HSPA12A: variants seen among roughly 807,000 people sequenced by gnomAD.
HSPA12A encodes the protein heat shock 70 kDa protein 12A.
A neutral mutation model predicts 69.2 loss-of-function variants in HSPA12A; 28 were observed. The ratio of observed to expected loss-of-function variants is 0.40; its 90% CI spans 0.30 to 0.55. The LOEUF (loss-of-function observed/expected upper bound fraction) is 0.55. HSPA12A is among the 20% of genes least tolerant of loss of function. The pLI is 0.38. For missense variants in HSPA12A, 686 were observed against 900.7 expected, an observed-to-expected ratio of 0.76 and a Z score of 3.05; for synonymous variants, 345 against 370.5, an observed-to-expected ratio of 0.93 and a Z score of 0.79.
chr10:116,797,084 T>C (rs1178288050), intron 2 of HSPA12A, among the ~76,000 whole-genome samples: 2 of 152,198 alleles, frequency 1.3e-5, no homozygotes, highest in Non-Finnish European at 1.5e-5. Context: ...CCGCAGGAGC[T>C]GGCTGAGAGC....
intron 2 of HSPA12A, among the ~76,000 whole-genome samples, chr10:116,748,626 G>T (rs1554888017): frequency 6.6e-6 from 1 of 152,182 alleles, no homozygotes; most frequent in African/African-American, 2.4e-5. Context: ...CACATGGCTG[G>T]GGAGGCTTCA....
chr10:116,796,014 G>C (rs575115290), intron 2 of HSPA12A, among the ~76,000 whole-genome samples: 2 of 151,118 alleles, frequency 1.3e-5, no homozygotes, highest in African/African-American at 2.4e-5. Context: ...CGGGCGTGGT[G>C]GTGGGTGCCT....
intron 2 of HSPA12A, among the ~76,000 whole-genome samples, chr10:116,798,741 C>T (rs1406492444): frequency 6.6e-6 from 1 of 152,186 alleles, no homozygotes; most frequent in Non-Finnish European, 1.5e-5. Flanking sequence ...AATCAATGAT[C>T]TGGTTCAACT....
chr10:116,754,278 C>T (rs138895151), intron 2 of HSPA12A, among the ~76,000 whole-genome samples: 23 of 152,190 alleles, frequency 1.5e-4, no homozygotes, highest in East Asian at 3.9e-4. Flanking sequence ...CAGCTCACTG[C>T]GAGGATGGAA....
intron 2 of HSPA12A, among the ~76,000 whole-genome samples, chr10:116,805,809 ATCAAG>A (rs1434105167): frequency 1.3e-5 from 2 of 152,234 alleles, no homozygotes; most frequent in East Asian, 1.9e-4. Context: ...CTGTAATCAA[ATCAAG>A]TCTTTTCAAT....
chr10:116,840,997 C>T (rs552898694), intron 1 of HSPA12A, among the ~76,000 whole-genome samples: 1 of 152,318 alleles, frequency 6.6e-6, no homozygotes, highest in East Asian at 1.9e-4. Flanking sequence ...GCCTGAGTTA[C>T]TCACGCTGCT....
chr10:116,755,930 C>T (rs572742008), intron 2 of HSPA12A, among the ~76,000 whole-genome samples: 11 of 151,772 alleles, frequency 7.2e-5, no homozygotes, highest in Admixed American at 6.6e-4. Context: ...AGGTTGAGGC[C>T]GCAGTGAGCT....
At chr10:116,782,175 A>T (rs1844477997) in intron 2 of HSPA12A, among the ~76,000 whole-genome samples, 1 of 152,242 alleles carries the variant, frequency 6.6e-6, no homozygotes. Context: ...TGAGACCATA[A>T]GATGAGATTT....
chr10:116,841,663 TA>T (rs1440532721), intron 1 of HSPA12A, among the ~76,000 whole-genome samples: 13 of 152,190 alleles, frequency 8.5e-5, no homozygotes, highest in Non-Finnish European at 1.5e-5. Context: ...GAGATGCAGT[TA>T]AATCAATACA....
intron 2 of HSPA12A, among the ~76,000 whole-genome samples, chr10:116,780,833 C>T (rs368781306): frequency 6.6e-6 from 1 of 152,114 alleles, no homozygotes; most frequent in African/African-American, 2.4e-5. Flanking sequence ...CTATGGGTGA[C>T]GAGTCACAGG....
At chr10:116,684,624 T>C (rs2132917895) in intron 6 of HSPA12A, among the ~76,000 whole-genome samples, 1 of 152,244 alleles carries the variant, frequency 6.6e-6, no homozygotes, top group Admixed American at 6.5e-5. Context: ...GAATCCCATA[T>C]AGTCCCTCAT....
chr10:116,708,271 C>T (rs1850322179), intron 1 of HSPA12A: 1 of 152,064 alleles, frequency 6.6e-6, no homozygotes, highest in African/African-American at 2.4e-5. Flanking sequence ...CGACCCAGCA[C>T]CACCCTCGGT....
intron 2 of HSPA12A, among the ~76,000 whole-genome samples, chr10:116,788,493 A>C (rs912361106): frequency 6.6e-6 from 1 of 152,234 alleles, no homozygotes; most frequent in African/African-American, 2.4e-5. Context: ...TTCTAAAAAA[A>C]CAATAATGAA....
At chr10:116,768,091 T>G (rs545817776) in intron 2 of HSPA12A, among the ~76,000 whole-genome samples, 1 of 152,180 alleles carries the variant, frequency 6.6e-6, no homozygotes, top group Non-Finnish European at 1.5e-5. Context: ...AGCCAAAAAG[T>G]AGAAACAACC....
intron 2 of HSPA12A, among the ~76,000 whole-genome samples, chr10:116,812,436 G>A (rs1048479002): frequency 1.6e-4 from 25 of 151,960 alleles, no homozygotes; most frequent in Non-Finnish European, 3.1e-4. Context: ...CTAGGCGATC[G>A]AGTGAGACTC....
chr10:116,846,123 T>G (rs1845876044), intron 1 of HSPA12A, among the ~76,000 whole-genome samples: 1 of 152,202 alleles, frequency 6.6e-6, no homozygotes, highest in Non-Finnish European at 1.5e-5. Context: ...CAATATTTGT[T>G]GATTGAGTGA....
At position 116,788,866 on chromosome 10, in the gene HSPA12A, A is replaced by ATTT. The variant is rs34187640; in HGVS notation, c.91+46066_91+46068dup. 6.3e-4 allele frequency among the ~76,000 whole-genome samples: 87 copies of ATTT among 138,648 alleles called. 1 individual carries two copies. The highest frequency in any genetic ancestry group is 3.8e-3 in the Middle Eastern group (1 of 262). The allele number at this position is 138,648 out of a possible 152,430, so 91.0% of individuals were successfully genotyped here. ...CCATCTGGTAGAATTCTACGCAGCT[A>ATTT]TTTTTTTTTTTTTTTTTGAGACAGA... On this transcript the variant is annotated intron_variant, in intron 2 of 12. Coordinates refer to the HSPA12A transcript ENST00000635765.
chr10:116,773,424 T>C (rs1844258750), intron 2 of HSPA12A, among the ~76,000 whole-genome samples: 1 of 152,242 alleles, frequency 6.6e-6, no homozygotes. Context: ...ACAGGAGGCC[T>C]GGGAGCTGTG....
rs116503166 is a variant in HSPA12A, at chr10:116,726,892, C to T, written c.40+15538G>A. On this transcript the variant is annotated intron_variant, in intron 1 of 11. Transcript: ENST00000369209. ...ATCTAAGTCACACTAACTAACGTGC[C>T]GATGACGGATGAAGACCCCAGACTG... Among the ~76,000 whole-genome samples, 377 of 152,294 alleles carry T rather than the reference C, an allele frequency of 2.5e-3. 1 individual carries two copies. Among genetic ancestry groups the T allele is most frequent in the African/African-American group, 8.8e-3 (364 of 41,568 alleles).
Sources: allele counts gnomAD v4.1 joint callset (sites outside exome capture counted in the v4.1 genomes callset), GRCh38; gene constraint gnomAD v4.1.1; transcripts MANE v1.5; gene names NCBI Gene and HGNC (gene_info 2026-07-23, HGNC 2026-07-21).